PTPRB: variants seen among roughly 807,000 people sequenced by gnomAD.
The protein encoded by PTPRB is receptor-type tyrosine-protein phosphatase beta.
In PTPRB, 97 loss-of-function variants were observed where a neutral mutation model predicts 238.1. The ratio of observed to expected loss-of-function variants is 0.41; its 90% CI spans 0.35 to 0.48. The LOEUF is 0.48. Among genes scored for constraint, PTPRB ranks in the 20% least tolerant of loss-of-function variants. The pLI is 0.30. For missense variants in PTPRB, 2,292 were observed against 2,681.9 expected, an observed-to-expected ratio of 0.85 and a Z score of 3.21; for synonymous variants, 970 against 995.4, an observed-to-expected ratio of 0.97 and a Z score of 0.48.
At chr12:70,585,575 C>T (rs1302939949) in intron 9 of PTPRB, among the ~76,000 whole-genome samples, 2 of 152,084 alleles carry the variant, frequency 1.3e-5, no homozygotes, top group Non-Finnish European at 2.9e-5. Flanking sequence ...CCATCACTTC[C>T]CCTCCTGCCA....
chr12:70,569,663 G>A lies in PTPRB; in HGVS notation c.3634+12C>T, dbSNP rs768387976. On this transcript the variant is annotated intron_variant, in intron 14 of 33. Coordinates refer to ENST00000334414, the MANE Select transcript of PTPRB (RefSeq NM_001109754.4). ...ATTCTACAATCTAGCCCTTCTCCAGGTGGATGCTTACCTGTCCGCCCAACC... is the reference window on the plus strand; with the variant it reads ...ATTCTACAATCTAGCCCTTCTCCAGATGGATGCTTACCTGTCCGCCCAACC... 4.3e-6 allele frequency: 7 copies of A among 1,613,258 alleles called. No individual in the cohort carries two copies. Among genetic ancestry groups the A allele is most frequent in the East Asian group, 2.2e-5 (1 of 44,878 alleles).
intron 3 of PTPRB, among the ~76,000 whole-genome samples, chr12:70,617,593 C>T (rs867271436): frequency 5.3e-5 from 8 of 152,098 alleles, no homozygotes; most frequent in Admixed American, 2.0e-4. Context: ...GTAGTAGCAG[C>T]GGGGTGTCTC....
intron 2 of PTPRB, among the ~76,000 whole-genome samples, chr12:70,633,209 T>A (rs997325350): frequency 1.3e-5 from 2 of 152,188 alleles, no homozygotes; most frequent in African/African-American, 4.8e-5. Context: ...TGCATTTCGG[T>A]TAATTTTTCA....
rs774190172 is a variant in PTPRB at position 70,538,932 on chromosome 12, A to G, written c.5861T>C (p.Ile1954Thr). Residue 1954 changes from isoleucine (I) to threonine (T), a missense_variant, in exon 27 of 34, where the codon ATA (isoleucine) becomes ACA (threonine). Ile to Thr is a moderately conservative substitution (Grantham distance 89). This residue lies in a region of PTPRB where 397 missense variants were observed against 502.0 expected (regional missense o/e 0.79). Coordinates refer to ENST00000334414, the MANE Select transcript of PTPRB (RefSeq NM_001109754.4). ...TTTGACACAAAACTTACAGGGCAAT[A>G]TATTGTTGTATCGATTTTTCCCTCT... is the stretch of plus-strand genomic sequence containing the variant. Reference protein sequence around the residue: ...ENRGKNRYNNILPYDATRVKL... With the variant: ...ENRGKNRYNNTLPYDATRVKL... 2.5e-6 allele frequency: 4 copies of G among 1,611,984 alleles called. No individual in the cohort carries two copies. The highest frequency in any genetic ancestry group is 1.3e-5 in the African/African-American group (1 of 74,900).
chr12:70,626,401 G>A (rs2584023), intron 2 of PTPRB, among the ~76,000 whole-genome samples: 3 of 145,822 alleles, frequency 2.1e-5, no homozygotes, highest in Non-Finnish European at 3.0e-5. Flanking sequence ...CTGCCTGCCT[G>A]CCTACCTACC....
chr12:70,534,156 T>C (rs1873723186), intron 31 of PTPRB, among the ~76,000 whole-genome samples: 2 of 152,060 alleles, frequency 1.3e-5, no homozygotes, highest in Non-Finnish European at 2.9e-5. Context: ...GGAACTTAGA[T>C]TGAAGGTGAT....
At chr12:70,556,407 T>G (rs1877689382) in intron 18 of PTPRB, among the ~76,000 whole-genome samples, 1 of 149,620 alleles carries the variant, frequency 6.7e-6, no homozygotes, top group Non-Finnish European at 1.5e-5. Flanking sequence ...TTATTAATAG[T>G]TAGACGTGGC....
intron 3 of PTPRB, among the ~76,000 whole-genome samples, chr12:70,611,196 G>T (rs1181967023): frequency 2.0e-5 from 3 of 152,106 alleles, no homozygotes; most frequent in East Asian, 1.9e-4. Flanking sequence ...TATACATAAA[G>T]CTATGTTATT....
chr12:70,588,095 C>CAAAAAAAAAA (rs10558140), intron 8 of PTPRB, among the ~76,000 whole-genome samples: 10 of 104,630 alleles, frequency 9.6e-5, no homozygotes, highest in African/African-American at 1.2e-4. Flanking sequence ...GACTCTGTCT[C>CAAAAAAAAAA]AAAAAAAAAA....
At chr12:70,576,232 T>C (rs1880670141) in intron 11 of PTPRB, 150 bp downstream of exon 11, 1 of 805,470 alleles carries the variant, frequency 1.2e-6, no homozygotes. Context: ...ACATAAGGAG[T>C]TTCTTGGGTT....
At chr12:70,549,207 C>G (rs1190265164) in intron 21 of PTPRB, among the ~76,000 whole-genome samples, 1 of 152,132 alleles carries the variant, frequency 6.6e-6, no homozygotes, top group African/African-American at 2.4e-5. Context: ...TTTTAATGAA[C>G]AAATATCTGA....
At chr12:70,630,056 A>G (rs1885377759) in intron 2 of PTPRB, among the ~76,000 whole-genome samples, 1 of 152,178 alleles carries the variant, frequency 6.6e-6, no homozygotes, top group Non-Finnish European at 1.5e-5. Context: ...AACTTTTCCA[A>G]TCAACAGAAA....
intron 32 of PTPRB, 56 bp downstream of exon 32, chr12:70,531,979 T>G: frequency 6.2e-7 from 1 of 1,604,076 alleles, no homozygotes; most frequent in Admixed American, 1.7e-5. Flanking sequence ...GATATTTTTT[T>G]GTGGGAATAC....
At chr12:70,534,259 G>A (rs1196206301) in intron 31 of PTPRB, among the ~76,000 whole-genome samples, 3 of 152,172 alleles carry the variant, frequency 2.0e-5, no homozygotes, top group Admixed American at 2.0e-4. Flanking sequence ...GCTGGAGAGT[G>A]AGGATGAGAG....
At chr12:70,552,483 CAA>C (rs60295837) in intron 21 of PTPRB, among the ~76,000 whole-genome samples, 3 of 122,330 alleles carry the variant, frequency 2.5e-5, no homozygotes, top group Non-Finnish European at 1.6e-5. Flanking sequence ...GACTCTGTCT[CAA>C]AAAAAAAAAA....
chr12:70,593,960 T>C (rs1405285395), intron 6 of PTPRB, among the ~76,000 whole-genome samples: 4 of 152,270 alleles, frequency 2.6e-5, no homozygotes, highest in Admixed American at 6.5e-5. Context: ...TGAAAGTTTG[T>C]ATAAATTACT....
intron 2 of PTPRB, among the ~76,000 whole-genome samples, chr12:70,633,061 GCTTT>G (rs1368804526): frequency 6.6e-6 from 1 of 152,144 alleles, no homozygotes; most frequent in East Asian, 1.9e-4. Flanking sequence ...TCATAGGTCT[GCTTT>G]CTTTCATGGA....
At chr12:70,552,343 G>A (rs1175891927) in intron 21 of PTPRB, among the ~76,000 whole-genome samples, 1 of 152,072 alleles carries the variant, frequency 6.6e-6, no homozygotes, top group African/African-American at 2.4e-5. Flanking sequence ...ACTTAGCCGG[G>A]TGTGGTGGCG....
intron 2 of PTPRB, among the ~76,000 whole-genome samples, chr12:70,624,034 C>T (rs931756589): frequency 6.6e-6 from 1 of 152,082 alleles, no homozygotes; most frequent in Non-Finnish European, 1.5e-5. Flanking sequence ...ATAAAATAAT[C>T]TTGGCTATAA....
Sources: allele counts gnomAD v4.1 joint callset (sites outside exome capture counted in the v4.1 genomes callset), GRCh38; gene constraint gnomAD v4.1.1; regional missense constraint gnomAD v4.1.1; transcripts MANE v1.5; gene names NCBI Gene and HGNC (gene_info 2026-07-23, HGNC 2026-07-21).